CWF19L2: variants seen among roughly 807,000 people sequenced by gnomAD.
The protein encoded by CWF19L2 is CWF19-like protein 2.
Under a neutral mutation model 111.7 loss-of-function variants are expected in CWF19L2, and 98 were observed. That is an observed-to-expected ratio of 0.88 (90% CI 0.75 to 1.04). CWF19L2 has a LOEUF of 1.04. CWF19L2 is among the 50% of genes least tolerant of loss of function. The pLI is 0.00. For missense variants in CWF19L2, 1,101 were observed against 1,051.4 expected, an observed-to-expected ratio of 1.05 and a Z score of -0.65; for synonymous variants, 351 against 342.9, an observed-to-expected ratio of 1.02 and a Z score of -0.26.
At chr11:107,456,464 A>C (rs183249452) in intron 1 of CWF19L2, among the ~76,000 whole-genome samples, 12 of 152,076 alleles carry the variant, frequency 7.9e-5, no homozygotes, top group African/African-American at 2.9e-4. Context: ...ATATATACCC[A>C]CACACACACA....
intron 12 of CWF19L2, among the ~76,000 whole-genome samples, chr11:107,386,878 AC>A (rs1415881970): frequency 6.6e-6 from 1 of 151,874 alleles, no homozygotes; most frequent in Non-Finnish European, 1.5e-5. Flanking sequence ...ACATGGTGAA[AC>A]CCCGTCTCTA....
chr11:107,410,084 T>G (rs1166800845), intron 10 of CWF19L2, among the ~76,000 whole-genome samples: 1 of 152,160 alleles, frequency 6.6e-6, no homozygotes, highest in African/African-American at 2.4e-5. Context: ...TGAAGAGATT[T>G]ACCTTATTCC....
rs114682707 is a variant in CWF19L2, at chr11:107,435,491, T to C, written c.665-1742A>G. On this transcript the variant is annotated intron_variant, in intron 6 of 17. Coordinates refer to ENST00000282251, the MANE Select transcript of CWF19L2 (RefSeq NM_152434.3). ...TTCCTGAACAATCACTAAAACATAA[T>C]AGCTCAGAAAAAAAAAATCAGAGAA... Among the ~76,000 whole-genome samples the C allele has an allele frequency of 9.0e-3, 1,371 of 151,736 alleles. 18 individuals are homozygous for C. The highest frequency in any genetic ancestry group is 0.031 in the African/African-American group (1,296 of 41,354).
At chr11:107,339,106 T>G (rs112369212) in intron 14 of CWF19L2, among the ~76,000 whole-genome samples, 3 of 152,296 alleles carry the variant, frequency 2.0e-5, no homozygotes, top group African/African-American at 7.2e-5. Context: ...TAGTAGCCAT[T>G]AGGCTTTTTT....
At chr11:107,342,510 A>G (rs10890723) in intron 14 of CWF19L2, among the ~76,000 whole-genome samples, 40,245 of 151,950 alleles carry the variant, frequency 0.26, 5,576 homozygotes, top group Non-Finnish European at 0.31. Flanking sequence ...TTCCACTGTG[A>G]TCAGAGAATG....
At chr11:107,359,588 C>A (rs542196386) in intron 12 of CWF19L2, among the ~76,000 whole-genome samples, 1 of 152,240 alleles carries the variant, frequency 6.6e-6, no homozygotes, top group South Asian at 2.1e-4. Context: ...TGACTTTAGA[C>A]TCTACCGGTC....
At chr11:107,405,593 A>T (rs1861065240) in intron 10 of CWF19L2, among the ~76,000 whole-genome samples, 1 of 152,184 alleles carries the variant, frequency 6.6e-6, no homozygotes, top group Non-Finnish European at 1.5e-5. Flanking sequence ...GTTTAAAAAA[A>T]CTAGACAACA....
intron 10 of CWF19L2, chr11:107,404,604 G>T (rs1861052525): frequency 3.5e-6 from 2 of 575,018 alleles, no homozygotes; most frequent in Non-Finnish European, 6.4e-6. Flanking sequence ...AAAAGCACCT[G>T]CAGCTCTGGC....
Position 107,372,321 on chromosome 11 carries a change from T to C in CWF19L2, c.1872+17753A>G, listed in dbSNP as rs1249757007. Among the ~76,000 whole-genome samples the C allele has an allele frequency of 8.1e-5, 11 of 134,990 alleles. 2 individuals carry two copies. The highest frequency in any genetic ancestry group is 5.8e-4 in the Admixed American group (8 of 13,708). The allele number at this position is 134,990 out of a possible 152,430, so 88.6% of individuals were successfully genotyped here. Reference sequence around the variant, plus strand: ...GAAAGAGTTATGATAAAGATGAGATTTGTATGAATATTCTGTTTAATCAAC... The same window carrying C: ...GAAAGAGTTATGATAAAGATGAGATCTGTATGAATATTCTGTTTAATCAAC... On this transcript the variant is annotated intron_variant, in intron 12 of 17. Transcript: ENST00000282251.
At chr11:107,362,147 A>G (rs1412218282) in intron 12 of CWF19L2, among the ~76,000 whole-genome samples, 1 of 152,070 alleles carries the variant, frequency 6.6e-6, no homozygotes, top group Non-Finnish European at 1.5e-5. Flanking sequence ...ACGAGATTAT[A>G]TCCCGCACCT....
chr11:107,453,822 G>A (rs1861814855), intron 3 of CWF19L2, among the ~76,000 whole-genome samples: 1 of 151,918 alleles, frequency 6.6e-6, no homozygotes, highest in South Asian at 2.1e-4. Flanking sequence ...TCCCAGGCCG[G>A]GCAGCTGACT....
At chr11:107,423,339 T>C (rs1861327770) in intron 8 of CWF19L2, among the ~76,000 whole-genome samples, 1 of 152,020 alleles carries the variant, frequency 6.6e-6, no homozygotes, top group South Asian at 2.1e-4. Context: ...TGTTTATGTT[T>C]ATTATGTGGA....
intron 17 of CWF19L2, among the ~76,000 whole-genome samples, chr11:107,329,008 AT>A (rs1859804159): frequency 6.6e-6 from 1 of 152,200 alleles, no homozygotes; most frequent in Non-Finnish European, 1.5e-5. Context: ...ATTTCTACTC[AT>A]TGCAGAAGAT....
intron 8 of CWF19L2, among the ~76,000 whole-genome samples, chr11:107,428,032 C>G (rs1169901158): frequency 1.3e-5 from 2 of 152,028 alleles, no homozygotes; most frequent in East Asian, 3.8e-4. Flanking sequence ...CTTTAGTGTC[C>G]CACTCATTTG....
At chr11:107,329,314 A>G (rs567203005) in intron 17 of CWF19L2, among the ~76,000 whole-genome samples, 50 of 152,268 alleles carry the variant, frequency 3.3e-4, no homozygotes, top group African/African-American at 1.2e-3. Flanking sequence ...GTAGTGAATC[A>G]AAAGATCTGT....
chr11:107,329,608 T>C (rs1001508546), intron 17 of CWF19L2, among the ~76,000 whole-genome samples: 3 of 152,174 alleles, frequency 2.0e-5, no homozygotes, highest in South Asian at 2.1e-4. Context: ...GCTGGCACAC[T>C]GTAAGCCCTT....
intron 13 of CWF19L2, among the ~76,000 whole-genome samples, chr11:107,350,092 A>G (rs1229822063): frequency 6.6e-6 from 1 of 152,204 alleles, no homozygotes. Flanking sequence ...CCAAATAGAT[A>G]CATAAAAGAG....
At chr11:107,335,055 G>C in intron 15 of CWF19L2, 94 bp from the exon 16 acceptor site, 2 of 759,340 alleles carry the variant, frequency 2.6e-6, no homozygotes, top group East Asian at 5.0e-5. Context: ...TAATTATGGG[G>C]TATATTATAC....
chr11:107,356,102 C>G (rs990434265), intron 12 of CWF19L2, among the ~76,000 whole-genome samples: 4 of 152,112 alleles, frequency 2.6e-5, no homozygotes, highest in African/African-American at 9.6e-5. Flanking sequence ...GGAAAACTGC[C>G]ACATACCTGG....
Sources: allele counts gnomAD v4.1 joint callset (sites outside exome capture counted in the v4.1 genomes callset), GRCh38; gene constraint gnomAD v4.1.1; transcripts MANE v1.5; gene names NCBI Gene and HGNC (gene_info 2026-07-23, HGNC 2026-07-21).